Variants in STK40 observed in about 807,000 individuals in gnomAD.
STK40 encodes serine/threonine-protein kinase 40.
STK40 carries 13 observed loss-of-function variants against 47.9 expected under a neutral mutation model. That is an observed-to-expected ratio of 0.27 (90% CI 0.18 to 0.43). The LOEUF is 0.43. Ranked by LOEUF, STK40 falls within the 20% of genes least tolerant of loss-of-function variation. The pLI, the probability that STK40 is intolerant of heterozygous loss-of-function variation, is 1.00. For synonymous variants in STK40, 225 were observed against 243.2 expected (o/e 0.93, Z 0.69); for missense variants, 460 against 595.1 (o/e 0.77, Z 2.36).
intron 4 of STK40, among the ~76,000 whole-genome samples, chr1:36,356,495 G>A (rs986902330): frequency 1.4e-5 from 2 of 140,334 alleles, no homozygotes; most frequent in Non-Finnish European, 3.0e-5. Context: ...TCACGCTCTC[G>A]GCTCACTGCA....
In STK40 at chr1:36,355,327, C is replaced by T; in HGVS notation, c.449G>A (p.Ser150Asn). The change falls in exon 5 of 11, where the codon AGC (serine) becomes AAC (asparagine). Residue 150 changes from serine to asparagine, a missense_variant. Around this residue, in one of 3 missense-constraint regions of STK40, gnomAD observed 277 missense variants for 358.7 expected, o/e 0.77. Transcript: ENST00000373132. ...VLDCLCAHDF[S>N]DKTADLINLQ... ...GTTGATGAGGTCAGCGGTCTTATCG[C>T]TGAAGTCATGAGCACAGAGGCAGTC... is the stretch of plus-strand genomic sequence containing the variant. The T allele has an allele frequency of 1.2e-6, 2 of 1,614,184 alleles. No individual in the cohort carries two copies. Among genetic ancestry groups the T allele is most frequent in the Non-Finnish European group, 1.7e-6 (2 of 1,180,038 alleles).
intron 1 of STK40, among the ~76,000 whole-genome samples, chr1:36,363,115 A>G (rs1646867895): frequency 6.6e-6 from 1 of 152,062 alleles, no homozygotes; most frequent in African/African-American, 2.4e-5. Flanking sequence ...AGATCACGCC[A>G]CTGCACTTCA....
intron 6 of STK40, 96 bp downstream of exon 6, chr1:36,354,268 A>G: frequency 7.3e-7 from 1 of 1,363,012 alleles, no homozygotes; most frequent in Admixed American, 1.7e-5. Context: ...TTGAGTCGGA[A>G]TCCTCATGAG....
intron 1 of STK40, among the ~76,000 whole-genome samples, chr1:36,374,682 G>GAGGTAGCCTGGGAAAGCAGCC (rs1646977155): frequency 6.6e-6 from 1 of 152,250 alleles, no homozygotes; most frequent in Non-Finnish European, 1.5e-5. Flanking sequence ...TCCATCCAGA[G>GAGGTAGCCTGGGAAAGCAGCC]AGGTAGCCTG....
chr1:36,372,087 G>A (rs1490639711), intron 1 of STK40, among the ~76,000 whole-genome samples: 1 of 152,178 alleles, frequency 6.6e-6, no homozygotes, highest in African/African-American at 2.4e-5. Context: ...ATCCGCAGTT[G>A]GTTGAATCCA....
In STK40 at chr1:36,361,220, C is replaced by A; in HGVS notation, c.112+1G>T. On this transcript the variant is annotated splice_donor_variant, in intron 2 of 10. Coordinates refer to ENST00000373132, the MANE Select transcript of STK40 (RefSeq NM_001282547.2). LOFTEE classifies it high-confidence loss of function. ...ATTTTTCCCAAAGGTCAGAGGCTTA[C>A]CAAGGATGAATGGTCCAGCTCTCTT... 1.2e-6 allele frequency: 2 copies of A among 1,614,130 alleles called. No homozygotes were observed. The highest frequency in any genetic ancestry group is 1.7e-6 in the Non-Finnish European group (2 of 1,180,022).
chr1:36,379,888 T>C (rs1647025709), intron 1 of STK40, among the ~76,000 whole-genome samples: 1 of 152,214 alleles, frequency 6.6e-6, no homozygotes, highest in Non-Finnish European at 1.5e-5. Flanking sequence ...CTGCAGATGA[T>C]ACCTAAGGTG....
intron 1 of STK40, among the ~76,000 whole-genome samples, chr1:36,367,423 G>T (rs1646912106): frequency 1.3e-5 from 2 of 152,292 alleles, no homozygotes; most frequent in South Asian, 4.1e-4. Context: ...TGAGTAGGGG[G>T]TACCTGATCT....
At chr1:36,347,766 C>A (rs2124727745) in intron 7 of STK40, among the ~76,000 whole-genome samples, 1 of 152,030 alleles carries the variant, frequency 6.6e-6, no homozygotes, top group South Asian at 2.1e-4. Context: ...GATTCTCCTG[C>A]CTTAGCCTCC....
intron 9 of STK40, among the ~76,000 whole-genome samples, 160 bp downstream of exon 9, chr1:36,343,700 A>T (rs1646674405): frequency 6.6e-6 from 1 of 152,194 alleles, no homozygotes; most frequent in Admixed American, 6.5e-5. Flanking sequence ...CTCAACCTTC[A>T]GTTCTGCCTA....
Position 36,358,348 on chromosome 1 carries a change from A to G in STK40, c.233T>C (p.Ile78Thr), listed in dbSNP as rs1217262267. The G allele has an allele frequency of 1.2e-6, 2 of 1,608,130 alleles. No homozygotes were observed. The highest frequency in any genetic ancestry group is 2.2e-5 in the East Asian group (1 of 44,674). ...LTLEERGDQG[I>T]ESQEERQGKM... ...GCCCTGCCGCTCTTCCTGGCTCTCT[A>G]TGCCTTGGTCCCCCCTCTCCTCCAG... The change falls in exon 4 of 11, where the codon ATA becomes ACA. Residue 78 changes from isoleucine to threonine, a missense_variant. Ile to Thr is a moderately conservative substitution (Grantham distance 89). Around this residue, in one of 3 missense-constraint regions of STK40, gnomAD observed 277 missense variants for 358.7 expected, o/e 0.77. Transcript: ENST00000373132.
Position 36,341,793 on chromosome 1 carries a change from C to G in STK40, c.1270G>C (p.Asp424His). The change falls in exon 11 of 11, where the codon GAC becomes CAC. Residue 424 changes from aspartate (D) to histidine (H), a missense_variant. Coordinates refer to ENST00000373132, the MANE Select transcript of STK40 (RefSeq NM_001282547.2). ...TAGCGCTGCGCCAGGATGGCCGTGT[C>G]CAAGGAGGTCATGGGCTGTGCGTCG... is the stretch of plus-strand genomic sequence containing the variant. ...GHDAQPMTSL[D>H]TAILAQRYLR... 6.2e-7 allele frequency: 1 copy of G among 1,612,790 alleles called. No homozygotes were observed. Among genetic ancestry groups the G allele is most frequent in the South Asian group, 1.1e-5 (1 of 91,002 alleles).
At chr1:36,342,002 C>A (rs758042726) in intron 10 of STK40, 29 bp from the exon 11 acceptor site, 3 of 1,587,274 alleles carry the variant, frequency 1.9e-6, no homozygotes, top group Admixed American at 3.6e-5. Flanking sequence ...GGGAAGGAGA[C>A]AAAGATAAAC....
At chr1:36,367,569 C>G (rs1385923379) in intron 1 of STK40, among the ~76,000 whole-genome samples, 1 of 152,198 alleles carries the variant, frequency 6.6e-6, no homozygotes, top group African/African-American at 2.4e-5. Flanking sequence ...TGCCCGGAGT[C>G]CAGTGGTATA....
rs183621948 is a variant in STK40, at chr1:36,376,808, T to C, written c.-9+8915A>G. Reference sequence around the variant, plus strand: ...TAGGCAACTTCTAGAAGAAATTTTTTTTTTTTTTTTTGAGATGGAGTGCAG... The same window carrying C: ...TAGGCAACTTCTAGAAGAAATTTTTCTTTTTTTTTTTGAGATGGAGTGCAG... On this transcript the variant is annotated intron_variant, in intron 1 of 10. Transcript: ENST00000373132. Among the ~76,000 whole-genome samples the C allele has an allele frequency of 9.1e-4, 138 of 152,226 alleles. 2 individuals carry two copies. In the East Asian group the frequency reaches 0.018, roughly 19 times the overall value.
intron 10 of STK40, chr1:36,342,184 G>A (rs767057156): frequency 3.4e-5 from 20 of 586,186 alleles, no homozygotes; most frequent in South Asian, 1.6e-4. Flanking sequence ...CTTGCAGGCC[G>A]CCCTGCGGAC....
intron 6 of STK40, among the ~76,000 whole-genome samples, chr1:36,350,165 C>T (rs951053143): frequency 5.3e-5 from 8 of 152,250 alleles, no homozygotes; most frequent in Non-Finnish European, 1.0e-4. Context: ...GCCCTGTCAG[C>T]TGCCATAGGA....
intron 4 of STK40, among the ~76,000 whole-genome samples, chr1:36,356,159 C>T (rs1003615673): frequency 2.0e-5 from 3 of 152,184 alleles, no homozygotes; most frequent in African/African-American, 7.2e-5. Flanking sequence ...GTAAATAAGA[C>T]AATCCATGTC....
At chr1:36,376,323 G>A (rs1330672196) in intron 1 of STK40, among the ~76,000 whole-genome samples, 1 of 152,058 alleles carries the variant, frequency 6.6e-6, no homozygotes, top group Non-Finnish European at 1.5e-5. Flanking sequence ...GAAGGGTCTG[G>A]TCCACCTCAG....
Sources: gnomAD v4.1 joint callset for allele counts (sites outside exome capture counted in the v4.1 genomes callset) on GRCh38, gnomAD v4.1.1 for gene constraint, gnomAD v4.1.1 regional missense constraint, MANE v1.5 for transcripts, NCBI Gene and HGNC (gene_info 2026-07-23, HGNC 2026-07-21) for gene names.